RASEF: variants seen among roughly 807,000 people sequenced by gnomAD.
RASEF encodes the protein ras and EF-hand domain-containing protein.
A neutral mutation model predicts 90.1 loss-of-function variants in RASEF; 68 were observed. The ratio of observed to expected loss-of-function variants is 0.75; its 90% confidence interval spans 0.62 to 0.92. The LOEUF (loss-of-function observed/expected upper bound fraction) is 0.92, where lower values mean the gene tolerates loss of function less well. Ranked by LOEUF, RASEF falls within the 40% of genes least tolerant of loss-of-function variation. The probability of loss-of-function intolerance (pLI) is 0.00; values close to 1 mark genes in which losing one functional copy is unlikely to be tolerated. For missense variants in RASEF, 949 were observed against 937.2 expected (o/e 1.01, Z -0.16); for synonymous variants, 331 against 345.2 (o/e 0.96, Z 0.46).
At chr9:83,011,024 CTT>C (rs1259429022) in intron 5 of RASEF, among the ~76,000 whole-genome samples, 1 of 152,064 alleles carries the variant, frequency 6.6e-6, no homozygotes, top group Non-Finnish European at 1.5e-5. Flanking sequence ...TCTAAACAAA[CTT>C]AATAAATTGT....
the RASEF span, among the ~76,000 whole-genome samples, chr9:83,083,766 A>G: frequency 1.3e-5 from 2 of 152,270 alleles, no homozygotes; most frequent in South Asian, 4.1e-4. Flanking sequence ...AGGCACTTTC[A>G]TACACTACTA....
At chr9:83,173,329 A>G in the RASEF span, among the ~76,000 whole-genome samples, 15 of 151,984 alleles carry the variant, frequency 9.9e-5, no homozygotes, top group African/African-American at 3.4e-4. Flanking sequence ...TTTCTATCCC[A>G]ACTTCTTTTT....
At chr9:83,141,681 G>A in the RASEF span, among the ~76,000 whole-genome samples, 1 of 152,354 alleles carries the variant, frequency 6.6e-6, no homozygotes, top group South Asian at 2.1e-4. Context: ...ACAGATATTT[G>A]TGAAGATATT....
the RASEF span, among the ~76,000 whole-genome samples, chr9:83,214,312 G>C: frequency 6.6e-6 from 1 of 152,162 alleles, no homozygotes; most frequent in African/African-American, 2.4e-5. Flanking sequence ...TAAAACCCTA[G>C]AGGCAGAGGT....
intron 1 of RASEF, among the ~76,000 whole-genome samples, chr9:83,033,804 T>C: frequency 6.6e-6 from 1 of 152,220 alleles, no homozygotes; most frequent in Non-Finnish European, 1.5e-5. Context: ...ATAGGTAAAT[T>C]ATAGACAACT....
the RASEF span, among the ~76,000 whole-genome samples, chr9:83,169,314 A>G: frequency 6.6e-6 from 1 of 151,656 alleles, no homozygotes; most frequent in African/African-American, 2.4e-5. Context: ...AATAAACATG[A>G]CAGTGCAAAT....
the RASEF span, among the ~76,000 whole-genome samples, chr9:83,084,800 A>AT: frequency 1.3e-5 from 2 of 151,950 alleles, no homozygotes; most frequent in African/African-American, 4.8e-5. Flanking sequence ...TGCATATATG[A>AT]TTTTTTTCTC....
intron 16 of RASEF, among the ~76,000 whole-genome samples, chr9:82,986,496 G>A (rs1358805482): frequency 1.3e-5 from 2 of 152,218 alleles, no homozygotes; most frequent in African/African-American, 4.8e-5. Context: ...GAACCTGAAA[G>A]CAAATATTAA....
At chr9:83,036,900 T>G (rs1410617148) in intron 1 of RASEF, among the ~76,000 whole-genome samples, 2 of 152,084 alleles carry the variant, frequency 1.3e-5, no homozygotes, top group African/African-American at 4.8e-5. Flanking sequence ...TTTTGTTTTT[T>G]TTTAAAAAAA....
the RASEF span, among the ~76,000 whole-genome samples, chr9:83,128,152 T>C: frequency 6.6e-6 from 1 of 152,058 alleles, no homozygotes; most frequent in Non-Finnish European, 1.5e-5. Context: ...GCAACTCTTC[T>C]TTAAAAATAA....
chr9:83,210,826 C>T, the RASEF span, among the ~76,000 whole-genome samples: 2 of 152,214 alleles, frequency 1.3e-5, no homozygotes, highest in East Asian at 3.8e-4. Flanking sequence ...GTTTCCCCGA[C>T]ACATGGCCAT....
At chr9:83,124,257 T>C in the RASEF span, among the ~76,000 whole-genome samples, 1 of 152,210 alleles carries the variant, frequency 6.6e-6, no homozygotes, top group Non-Finnish European at 1.5e-5. Flanking sequence ...GCTATGAACA[T>C]GGGTGTATGA....
the RASEF span, among the ~76,000 whole-genome samples, chr9:83,110,653 G>T: frequency 1.3e-5 from 2 of 152,200 alleles, no homozygotes; most frequent in Middle Eastern, 3.4e-3. Context: ...ATTCTTCAGC[G>T]AAAGAATAAA....
the RASEF span, among the ~76,000 whole-genome samples, chr9:83,118,789 C>T: frequency 1.3e-5 from 2 of 152,264 alleles, no homozygotes; most frequent in South Asian, 4.1e-4. Flanking sequence ...CCAGCTAAAA[C>T]TTGACAAATG....
chr9:83,073,263 C>T, the RASEF span, among the ~76,000 whole-genome samples: 3 of 152,062 alleles, frequency 2.0e-5, no homozygotes, highest in African/African-American at 7.2e-5. Context: ...AGCCCATAAA[C>T]AATGCATGGT....
rs568056401 is a variant in RASEF, at chr9:83,057,875, G to A, written c.431+4562C>T. ...TATATATATATATATATATATATTC[G>A]TCTTTAAATACCACAAACACATCCC... On this transcript the variant is annotated intron_variant, in intron 1 of 16. Transcript: ENST00000376447. Among the ~76,000 whole-genome samples, 14 of 137,604 alleles carry A rather than the reference G, an allele frequency of 1.0e-4. No individual in the cohort carries two copies. The East Asian group carries it at 1.6e-3, about 16-fold the overall frequency. The allele number at this position is 137,604 out of a possible 152,430, so 90.3% of individuals were successfully genotyped here.
At chr9:83,210,952 T>A in the RASEF span, among the ~76,000 whole-genome samples, 3 of 152,230 alleles carry the variant, frequency 2.0e-5, no homozygotes, top group Non-Finnish European at 2.9e-5. Flanking sequence ...CATCCCTGAA[T>A]AATTTAGTGT....
chr9:82,992,061 T>C (rs908677933), intron 15 of RASEF, among the ~76,000 whole-genome samples: 9 of 152,236 alleles, frequency 5.9e-5, no homozygotes, highest in African/African-American at 2.2e-4. Context: ...TCACATTTGG[T>C]TTGCAGTTCT....
At chr9:83,068,124 G>A (rs1380648747), upstream of RASEF, among the ~76,000 whole-genome samples, 1 of 152,254 alleles carries the variant, frequency 6.6e-6, no homozygotes, top group East Asian at 1.9e-4. Flanking sequence ...CGCCTGACTC[G>A]GCCTTCTGAA....
Sources: allele counts gnomAD v4.1 joint callset (sites outside exome capture counted in the v4.1 genomes callset), GRCh38; gene constraint gnomAD v4.1.1; transcripts MANE v1.5; gene names NCBI Gene and HGNC (gene_info 2026-07-23, HGNC 2026-07-21).